Variants in SLCO5A1 observed in about 807,000 individuals in gnomAD.
The protein encoded by SLCO5A1 is solute carrier organic anion transporter family member 5A1, also known as organic anion transporter polypeptide-related protein 4.
SLCO5A1 carries 39 observed loss-of-function variants against 65.1 expected under a neutral mutation model. The ratio of observed to expected loss-of-function variants is 0.60; its 90% CI spans 0.46 to 0.78. SLCO5A1 has a LOEUF of 0.78. Ranked by LOEUF, SLCO5A1 falls within the 30% of genes least tolerant of loss-of-function variation. The pLI, the probability that SLCO5A1 is intolerant of heterozygous loss-of-function variation, is 0.00. For missense variants in SLCO5A1, 1,029 were observed against 1,069.4 expected (o/e 0.96, Z 0.53); for synonymous variants, 438 against 415.7 (o/e 1.05, Z -0.65).
rs552020816 is a variant in SLCO5A1 at position 69,697,884 on chromosome 8, G to T, written c.1622+7147C>A. ...TTCAATTTTTTTAAACTTATTTTAG[G>T]TTCAGGAGTACATGTGCAAGTTTAT... On this transcript the variant is annotated intron_variant, in intron 6 of 9. Transcript: ENST00000260126. 2.0e-5 allele frequency among the ~76,000 whole-genome samples: 3 copies of T among 151,876 alleles called. No individual in the cohort carries two copies. The East Asian group carries it at 5.8e-4, about 29-fold the overall frequency.
In SLCO5A1 at chr8:69,760,610, C is replaced by G. The variant is rs532962509; in HGVS notation, c.1040+1133G>C. Among the ~76,000 whole-genome samples, 120 of 152,238 alleles carry G rather than the reference C, an allele frequency of 7.9e-4. 1 individual carries two copies. The highest frequency in any genetic ancestry group is 1.5e-3 in the Non-Finnish European group (101 of 68,016). The stretch of plus-strand genomic sequence containing the variant: ...TACTTGGCACATATCTTTTCTAATA[C>G]TGAAGTATTCTCTTAACTATAAAGT... On this transcript the variant is annotated intron_variant, in intron 3 of 9. Coordinates refer to ENST00000260126, the MANE Select transcript of SLCO5A1 (RefSeq NM_030958.3).
chr8:69,798,095 G>A (rs576826376), intron 2 of SLCO5A1, among the ~76,000 whole-genome samples: 21 of 152,220 alleles, frequency 1.4e-4, no homozygotes, highest in Non-Finnish European at 1.8e-4. Flanking sequence ...CCGACACTTA[G>A]GGAAAATAGA....
At chr8:69,784,899 A>AAAGAAAGAAAGG (rs1818973413) in intron 2 of SLCO5A1, among the ~76,000 whole-genome samples, 1 of 28,460 alleles carries the variant, frequency 3.5e-5, no homozygotes, top group African/African-American at 2.6e-4. Context: ...AGAAAGGAAG[A>AAAGAAAGAAAGG]AAGAAAGAAA....
intron 2 of SLCO5A1, among the ~76,000 whole-genome samples, chr8:69,825,423 C>T (rs1820834442): frequency 6.6e-6 from 1 of 152,186 alleles, no homozygotes; most frequent in African/African-American, 2.4e-5. Flanking sequence ...TAAGTAACTT[C>T]AGCAAAGTCT....
At chr8:69,830,626 T>C (rs747444637) in intron 2 of SLCO5A1, among the ~76,000 whole-genome samples, 3 of 152,148 alleles carry the variant, frequency 2.0e-5, no homozygotes, top group Non-Finnish European at 4.4e-5. Context: ...ATCCATCCCT[T>C]AGAAGTTCAG....
chr8:69,772,847 G>A, intron 2 of SLCO5A1: 1 of 796,552 alleles, frequency 1.3e-6, no homozygotes, highest in Non-Finnish European at 1.5e-6. Context: ...AAGGCACTGG[G>A]ACAGGGAGGG....
At chr8:69,805,799 A>G (rs1819968371) in intron 2 of SLCO5A1, among the ~76,000 whole-genome samples, 1 of 152,230 alleles carries the variant, frequency 6.6e-6, no homozygotes. Flanking sequence ...CAAGTCCCAT[A>G]GCAGCGTTGG....
In SLCO5A1 at chr8:69,691,989, C is replaced by T. The variant is rs192049025; in HGVS notation, c.1623-9646G>A. 2.4e-4 allele frequency among the ~76,000 whole-genome samples: 36 copies of T among 152,318 alleles called. No individual in the cohort carries two copies. The East Asian group carries it at 6.8e-3, about 29-fold the overall frequency. The stretch of plus-strand genomic sequence containing the variant: ...TAAGGCCGGACGCGGTGGCTCACGC[C>T]TGTAATCCCAGCACTTTGGGAGGCC... On this transcript the variant is annotated intron_variant, in intron 6 of 9. Coordinates refer to ENST00000260126, the MANE Select transcript of SLCO5A1 (RefSeq NM_030958.3).
chr8:69,753,938 C>T lies in SLCO5A1; in HGVS notation c.1258+1486G>A, dbSNP rs536725236. On this transcript the variant is annotated intron_variant, in intron 4 of 9. Coordinates refer to ENST00000260126, the MANE Select transcript of SLCO5A1 (RefSeq NM_030958.3). ...GGCTGAGGCAGGAGAATTGCTTGAA[C>T]CTGGGAGGCAGAGATTGCAGTAAGT... is the stretch of plus-strand genomic sequence containing the variant. Among the ~76,000 whole-genome samples the T allele has an allele frequency of 9.4e-5, 14 of 149,322 alleles. No homozygotes were observed. The South Asian group carries it at 2.1e-3, about 23-fold the overall frequency.
At position 69,832,459 on chromosome 8, in the gene SLCO5A1, A is replaced by AAC. The variant is rs1478781469; in HGVS notation, c.213_214dup (p.Leu72CysfsTer2). ...GGCCAACGGGTTCGGGCCTTGCTTC[A>AAC]ACTCCTGGTGGCCCGAAGAATCCAC... On this transcript the variant is annotated frameshift_variant, in exon 2 of 10. Transcript: ENST00000260126. LOFTEE classifies it high-confidence loss of function. This position sits in a 1 kb window ranked among gnomAD's most constrained non-coding sequence, Gnocchi z 4.5. 6.2e-7 allele frequency: 1 copy of AAC among 1,613,004 alleles called. No individual in the cohort carries two copies. Among genetic ancestry groups the AAC allele is most frequent in the Admixed American group, 1.7e-5 (1 of 59,822 alleles).
At chr8:69,707,400 T>A (rs935571032) in intron 5 of SLCO5A1, among the ~76,000 whole-genome samples, 3 of 151,894 alleles carry the variant, frequency 2.0e-5, no homozygotes, top group Non-Finnish European at 4.4e-5. Context: ...ACAAAGAAAA[T>A]GTCTGCACAA....
chr8:69,714,212 C>G (rs1413293529), intron 5 of SLCO5A1, among the ~76,000 whole-genome samples: 1 of 146,106 alleles, frequency 6.8e-6, no homozygotes, highest in African/African-American at 2.5e-5. Flanking sequence ...ATTTAAGGTA[C>G]CTTTTTCTTT....
chr8:69,694,637 A>C (rs1255298702), intron 6 of SLCO5A1, among the ~76,000 whole-genome samples: 1 of 152,172 alleles, frequency 6.6e-6, no homozygotes, highest in Non-Finnish European at 1.5e-5. Flanking sequence ...GTTCACGCAA[A>C]GGTATCTGCT....
At chr8:69,772,444 G>A (rs1818358904) in intron 2 of SLCO5A1, among the ~76,000 whole-genome samples, 2 of 151,588 alleles carry the variant, frequency 1.3e-5, no homozygotes, top group African/African-American at 4.9e-5. Flanking sequence ...GATCCCTCCA[G>A]CCCGTGGGGT....
intron 2 of SLCO5A1, among the ~76,000 whole-genome samples, chr8:69,785,403 CA>C (rs1168279299): frequency 4.0e-5 from 6 of 151,894 alleles, no homozygotes; most frequent in Non-Finnish European, 7.4e-5. Context: ...AAAATTGATG[CA>C]AAAAAATATA....
intron 2 of SLCO5A1, among the ~76,000 whole-genome samples, chr8:69,778,822 A>G (rs1420791183): frequency 1.3e-5 from 2 of 152,186 alleles, no homozygotes; most frequent in Non-Finnish European, 2.9e-5. Flanking sequence ...CACATCCTGA[A>G]CATCAATAAT....
At chr8:69,805,128 T>C (rs960529587) in intron 2 of SLCO5A1, among the ~76,000 whole-genome samples, 3 of 151,972 alleles carry the variant, frequency 2.0e-5, no homozygotes, top group Non-Finnish European at 2.9e-5. Context: ...ATTCAGGCCA[T>C]TCTCCATTGA....
At chr8:69,804,599 AGCCACCGT>A (rs2099883755) in intron 2 of SLCO5A1, among the ~76,000 whole-genome samples, 1 of 152,208 alleles carries the variant, frequency 6.6e-6, no homozygotes, top group South Asian at 2.1e-4. Flanking sequence ...TACAGGCATG[AGCCACCGT>A]GCCCAGCTGC....
chr8:69,763,098 T>C (rs950733381), intron 2 of SLCO5A1, among the ~76,000 whole-genome samples: 2 of 152,088 alleles, frequency 1.3e-5, no homozygotes, highest in Non-Finnish European at 2.9e-5. Flanking sequence ...TCACCTGAGG[T>C]CAGGAATTTA....
Sources: allele counts gnomAD v4.1 joint callset (sites outside exome capture counted in the v4.1 genomes callset), GRCh38; gene constraint gnomAD v4.1.1; non-coding constraint Gnocchi (gnomAD v3.1); transcripts MANE v1.5; gene names NCBI Gene and HGNC (gene_info 2026-07-23, HGNC 2026-07-21).